Variants in DENND1B observed in about 807,000 individuals in gnomAD.
The protein encoded by DENND1B is DENN domain containing 1B.
In DENND1B, 59 loss-of-function variants were observed where a neutral mutation model predicts 90.1. The observed-to-expected ratio is 0.65, with a 90% confidence interval of 0.53 to 0.81. DENND1B has a LOEUF of 0.81. Ranked by LOEUF, DENND1B falls within the 40% of genes least tolerant of loss-of-function variation. The probability of loss-of-function intolerance (pLI) is 0.00; values close to 1 mark genes in which losing one functional copy is unlikely to be tolerated. For missense variants in DENND1B, 862 were observed against 912.6 expected (o/e 0.94, Z 0.71); for synonymous variants, 337 against 324.6 (o/e 1.04, Z -0.41).
At chr1:197,774,321 A>G (rs1656992602) in intron 1 of DENND1B, among the ~76,000 whole-genome samples, 1 of 152,222 alleles carries the variant, frequency 6.6e-6, no homozygotes, top group Admixed American at 6.5e-5. Flanking sequence ...TAATACAAAT[A>G]TACATGGCAT....
At chr1:197,528,299 C>T (rs2125628761) in intron 20 of DENND1B, among the ~76,000 whole-genome samples, 1 of 152,232 alleles carries the variant, frequency 6.6e-6, no homozygotes, top group East Asian at 1.9e-4. Context: ...TCAATCAAAA[C>T]ATGGCTTTGA....
intron 3 of DENND1B, among the ~76,000 whole-genome samples, chr1:197,701,542 C>G (rs1014380746): frequency 2.1e-4 from 32 of 151,634 alleles, no homozygotes; most frequent in African/African-American, 7.5e-4. Flanking sequence ...TTGTATCCCC[C>G]CCTTCCCCGG....
chr1:197,756,900 TA>T (rs1483804110), intron 2 of DENND1B, among the ~76,000 whole-genome samples: 1 of 151,032 alleles, frequency 6.6e-6, no homozygotes, highest in Non-Finnish European at 1.5e-5. Context: ...TTGCCAGTGT[TA>T]AATTTTGCAA....
In DENND1B at chr1:197,580,433, T is replaced by C. The variant is rs1282803346; in HGVS notation, c.1149+2719A>G. ...TGTGAGTCACTGCGCCTGGCCCTTT[T>C]AATAATTTTTAACAGCAAAATTTCC... On this transcript the variant is annotated intron_variant, in intron 15 of 22. Coordinates refer to ENST00000620048, the MANE Select transcript of DENND1B (RefSeq NM_001195215.2). 2.0e-5 allele frequency among the ~76,000 whole-genome samples: 3 copies of C among 151,954 alleles called. No homozygotes were observed. In the East Asian group the frequency reaches 5.8e-4, roughly 29 times the overall value.
chr1:197,697,038 C>A, intron 3 of DENND1B, among the ~76,000 whole-genome samples: 1 of 144,950 alleles, frequency 6.9e-6, no homozygotes, highest in Non-Finnish European at 1.5e-5. Flanking sequence ...AGAACTGGAC[C>A]ACACAAAAGA....
intron 16 of DENND1B, chr1:197,552,566 T>G: frequency 2.0e-6 from 2 of 985,620 alleles, no homozygotes; most frequent in Non-Finnish European, 2.4e-6. Context: ...GACATCTGTA[T>G]AATAATAATA....
intron 2 of DENND1B, among the ~76,000 whole-genome samples, chr1:197,718,944 A>C (rs1386489636): frequency 6.6e-6 from 1 of 152,156 alleles, no homozygotes; most frequent in African/African-American, 2.4e-5. Flanking sequence ...AGAAAGGGAG[A>C]ATGCAGCTAG....
rs187406627 is a variant in DENND1B, at chr1:197,641,759, T to C, written c.672+952A>G. ...TTGGCCTTGAAGTGGTCATTTAATC[T>C]CACTGAAAATACCTTTCTCACTGTT... On this transcript the variant is annotated intron_variant, in intron 10 of 22. Transcript: ENST00000620048. 4.6e-5 allele frequency among the ~76,000 whole-genome samples: 7 copies of C among 152,240 alleles called. No individual in the cohort carries two copies. The East Asian group carries it at 1.2e-3, about 25-fold the overall frequency.
At chr1:197,754,555 G>A (rs1359891704) in intron 2 of DENND1B, among the ~76,000 whole-genome samples, 1 of 149,924 alleles carries the variant, frequency 6.7e-6, no homozygotes, top group African/African-American at 2.5e-5. Flanking sequence ...TTACTCAGGT[G>A]GCTGAGGAAT....
intron 3 of DENND1B, among the ~76,000 whole-genome samples, chr1:197,705,174 G>C (rs939528617): frequency 6.6e-6 from 1 of 152,088 alleles, no homozygotes; most frequent in African/African-American, 2.4e-5. Context: ...CAGTAAAAGG[G>C]AAAAGGGTTA....
Position 197,510,269 on chromosome 1 carries a change from C to A in DENND1B, c.*191G>T. 4.7e-6 allele frequency: 3 copies of A among 636,470 alleles called. No individual in the cohort carries two copies. Among genetic ancestry groups the A allele is most frequent in the South Asian group, 2.4e-5 (1 of 42,498 alleles). 39.4% of individuals were successfully genotyped at this position (636,470 alleles called of 1,614,324 possible). The stretch of plus-strand genomic sequence containing the variant: ...TACACACTAGTACCTGATTTAAAAG[C>A]ACAGTAGAATTCGCTTTATATTTAA... On this transcript the variant is annotated 3_prime_UTR_variant, in exon 23 of 23. Coordinates refer to ENST00000620048, the MANE Select transcript of DENND1B (RefSeq NM_001195215.2).
At chr1:197,759,305 A>C (rs1373097645) in intron 2 of DENND1B, among the ~76,000 whole-genome samples, 2 of 151,654 alleles carry the variant, frequency 1.3e-5, no homozygotes, top group Non-Finnish European at 2.9e-5. Flanking sequence ...AAACCAAATA[A>C]AAGAAATTAA....
rs534085515 is a variant in DENND1B at position 197,569,597 on chromosome 1, AT to A, written c.1149+13554del. Among the ~76,000 whole-genome samples, 287 of 140,644 alleles carry A rather than the reference AT, an allele frequency of 2.0e-3. 1 individual carries two copies. Among genetic ancestry groups the A allele is most frequent in the African/African-American group, 7.2e-3 (274 of 38,182 alleles). The allele number at this position is 140,644 out of a possible 152,430, so 92.3% of individuals were successfully genotyped here. ...ACACACACACACACACACACACACA[AT>A]GGAACACTATTAACCCTTTATAAAG... On this transcript the variant is annotated intron_variant, in intron 15 of 22. Transcript: ENST00000620048.
At chr1:197,610,268 C>T (rs1265930809) in intron 12 of DENND1B, among the ~76,000 whole-genome samples, 1 of 150,574 alleles carries the variant, frequency 6.6e-6, no homozygotes, top group Non-Finnish European at 1.5e-5. Context: ...GGATTATTCT[C>T]TAAGACAACA....
intron 10 of DENND1B, among the ~76,000 whole-genome samples, chr1:197,628,683 A>C (rs1177587776): frequency 6.6e-6 from 1 of 152,144 alleles, no homozygotes; most frequent in African/African-American, 2.4e-5. Context: ...AATGGGATCT[A>C]ATTAAACTAA....
chr1:197,548,814 A>G (rs756182875), intron 16 of DENND1B, among the ~76,000 whole-genome samples: 8 of 152,140 alleles, frequency 5.3e-5, no homozygotes, highest in Non-Finnish European at 1.0e-4. Flanking sequence ...AGGTTAATAG[A>G]GAGAATTACC....
intron 15 of DENND1B, among the ~76,000 whole-genome samples, chr1:197,560,436 A>C (rs1383345658): frequency 2.0e-5 from 3 of 151,878 alleles, no homozygotes; most frequent in Non-Finnish European, 4.4e-5. Flanking sequence ...GTGTTAGAGA[A>C]TAAGATAGAC....
chr1:197,767,307 A>C, intron 2 of DENND1B, among the ~76,000 whole-genome samples: 1 of 151,992 alleles, frequency 6.6e-6, no homozygotes, highest in East Asian at 1.9e-4. Context: ...CAGAAGCAAA[A>C]TGTTGTAGAG....
At position 197,672,168 on chromosome 1, in the gene DENND1B, T is replaced by C. The variant is rs761350422; in HGVS notation, c.177-12A>G. The C allele has an allele frequency of 9.4e-6, 15 of 1,598,994 alleles. No individual in the cohort carries two copies. The South Asian group carries it at 1.1e-4, about 12-fold the overall frequency. On this transcript the variant is annotated splice_polypyrimidine_tract_variant and intron_variant, in intron 4 of 22. Transcript: ENST00000620048. Reference sequence around the variant, plus strand: ...GATTCTGAGACACCCTAAAATATAGTAACATTAGGAAACATTGTGCCTTGT... The same window carrying C: ...GATTCTGAGACACCCTAAAATATAGCAACATTAGGAAACATTGTGCCTTGT...
Sources: gnomAD v4.1 joint callset for allele counts (sites outside exome capture counted in the v4.1 genomes callset) on GRCh38, gnomAD v4.1.1 for gene constraint, MANE v1.5 for transcripts, NCBI Gene and HGNC (gene_info 2026-07-23, HGNC 2026-07-21) for gene names.